The following KMT2C variants were observed in gnomAD, a reference collection of about 807,000 sequenced individuals.
KMT2C encodes lysine methyltransferase 2C.
In KMT2C, 88 loss-of-function variants were observed where a neutral mutation model predicts 507.9. The ratio of observed to expected loss-of-function variants is 0.17; its 90% CI spans 0.15 to 0.21. The LOEUF (loss-of-function observed/expected upper bound fraction) is 0.21. Ranked by LOEUF, KMT2C falls within the 10% of genes least tolerant of loss-of-function variation. KMT2C has a pLI of 1.00. For missense variants in KMT2C, 4,954 were observed against 5,957.8 expected (o/e 0.83, Z 5.55); for synonymous variants, 2,049 against 2,080.8 (o/e 0.98, Z 0.42).
intron 1 of KMT2C, among the ~76,000 whole-genome samples, chr7:152,408,958 A>G (rs796275257): frequency 6.6e-6 from 1 of 152,116 alleles, no homozygotes; most frequent in Admixed American, 6.5e-5. Flanking sequence ...TTCACTTAAC[A>G]TGCATCTAAT....
intron 3 of KMT2C, among the ~76,000 whole-genome samples, chr7:152,325,658 C>A (rs2096821690): frequency 6.6e-6 from 1 of 151,704 alleles, no homozygotes; most frequent in South Asian, 2.1e-4. Flanking sequence ...TCAAGTCAGG[C>A]TGGTCTCGAA....
At chr7:152,297,857 C>A (rs2096530619) in intron 6 of KMT2C, among the ~76,000 whole-genome samples, 1 of 152,064 alleles carries the variant, frequency 6.6e-6, no homozygotes, top group Non-Finnish European at 1.5e-5. Context: ...TCAAAACTGA[C>A]CCAGAACTTA....
intron 50 of KMT2C, 132 bp from the exon 51 acceptor site, chr7:152,151,139 T>C (rs1256026669): frequency 1.5e-6 from 1 of 648,950 alleles, no homozygotes; most frequent in South Asian, 2.1e-5. Flanking sequence ...AAGGAAACTA[T>C]GTTCCAATAT....
chr7:152,281,785 C>T (rs2096216835), intron 6 of KMT2C, among the ~76,000 whole-genome samples: 2 of 152,018 alleles, frequency 1.3e-5, no homozygotes, highest in Admixed American at 1.3e-4. Flanking sequence ...TAACCACCAC[C>T]ATTTCAGGTA....
In KMT2C at chr7:152,308,953, A is replaced by G. The variant is rs559023402; in HGVS notation, c.849+1013T>C. Reference sequence around the variant, plus strand: ...TTGCATTTGTTTCAAAATTACATGAAAATCACAGGAAAAGCTCTGAAAAAT... The same window carrying G: ...TTGCATTTGTTTCAAAATTACATGAGAATCACAGGAAAAGCTCTGAAAAAT... On this transcript the variant is annotated intron_variant, in intron 6 of 58. Coordinates refer to ENST00000262189, the MANE Select transcript of KMT2C (RefSeq NM_170606.3). Among the ~76,000 whole-genome samples the G allele has an allele frequency of 1.1e-4, 16 of 152,314 alleles. No individual in the cohort carries two copies. The East Asian group carries it at 3.1e-3, about 29-fold the overall frequency.
chr7:152,364,159 G>T (rs1390457618), intron 1 of KMT2C, among the ~76,000 whole-genome samples: 1 of 152,148 alleles, frequency 6.6e-6, no homozygotes, highest in Non-Finnish European at 1.5e-5. Context: ...GAACAATAAT[G>T]ATTCCCAACT....
Position 152,182,422 on chromosome 7 carries a change from T to A in KMT2C, c.5438A>T (p.Gln1813Leu), listed in dbSNP as rs753287348. ...AGGAGACATATTTCCATTGCCAGGC[T>A]GAGGTGTCAAGGGACTCTGTATCCC... is the stretch of plus-strand genomic sequence containing the variant. ...SSGIQSPLTP[Q>L]PGNGNMSPAQ... Residue 1813 changes from glutamine to leucine, a missense_variant, in exon 36 of 59, where the codon CAG becomes CTG. Physicochemically the swap from Gln to Leu is moderately radical, Grantham distance 113. This residue lies in a region of KMT2C where 1,689 missense variants were observed against 1,654.3 expected (regional missense o/e 1.02). Coordinates refer to ENST00000262189, the MANE Select transcript of KMT2C (RefSeq NM_170606.3). 3.1e-6 allele frequency: 5 copies of A among 1,613,880 alleles called. No individual in the cohort carries two copies. The South Asian group carries it at 4.4e-5, about 14-fold the overall frequency.
intron 13 of KMT2C, among the ~76,000 whole-genome samples, 199 bp from the exon 14 acceptor site, chr7:152,248,819 A>G (rs2095517640): frequency 6.6e-6 from 1 of 152,240 alleles, no homozygotes; most frequent in African/African-American, 2.4e-5. Context: ...AAACCTAATG[A>G]AAACATTATG....
chr7:152,159,341 T>C (rs1409985209), intron 43 of KMT2C, among the ~76,000 whole-genome samples: 1 of 152,228 alleles, frequency 6.6e-6, no homozygotes, highest in African/African-American at 2.4e-5. Flanking sequence ...TGGCAAAGCA[T>C]TACCCCTCAT....
Position 152,331,642 on chromosome 7 carries a change from ATTTTTT to A in KMT2C, c.251-909_251-904del, listed in dbSNP as rs34778581. ...CAACAACAACAACAACAACAAAAAG[ATTTTTT>A]TTTTTTTTTTTTTTTTTTTGATGGA... On this transcript the variant is annotated intron_variant, in intron 2 of 58. Transcript: ENST00000262189. Among the ~76,000 whole-genome samples, 100 of 99,326 alleles carry A rather than the reference ATTTTTT, an allele frequency of 1.0e-3. 1 individual carries two copies. Among genetic ancestry groups the A allele is most frequent in the African/African-American group, 3.7e-3 (85 of 22,668 alleles). 65.2% of individuals were successfully genotyped at this position (99,326 alleles called of 152,430 possible).
chr7:152,136,670 G>C lies in KMT2C; in HGVS notation c.*162C>G, dbSNP rs2089902413. ...CTTCTGTCAGCTTCCTCCTGGCGCT[G>C]CTTTAACCTAAAGGACTGAGGAAAT... On this transcript the variant is annotated 3_prime_UTR_variant, in exon 59 of 59. Transcript: ENST00000262189. 1 of 609,634 alleles carries C rather than the reference G, an allele frequency of 1.6e-6. No homozygotes were observed. Among genetic ancestry groups the C allele is most frequent in the Non-Finnish European group, 2.9e-6 (1 of 343,030 alleles). The allele number at this position is 609,634 out of a possible 1,614,324, so 37.8% of individuals were successfully genotyped here. A position where few individuals can be genotyped will look rare whatever the true frequency, so the allele number is the denominator to read the frequency against.
At chr7:152,311,423 C>T (rs911105212) in intron 5 of KMT2C, among the ~76,000 whole-genome samples, 1 of 152,130 alleles carries the variant, frequency 6.6e-6, no homozygotes, top group Non-Finnish European at 1.5e-5. Context: ...ATAATCTACC[C>T]GGCTAAGACC....
intron 15 of KMT2C, among the ~76,000 whole-genome samples, chr7:152,237,867 G>A: frequency 6.6e-6 from 1 of 152,212 alleles, no homozygotes. Context: ...TAAAAATCGA[G>A]ACTACAGTAA....
chr7:152,262,131 G>A (rs907070308), intron 9 of KMT2C, among the ~76,000 whole-genome samples: 2 of 152,154 alleles, frequency 1.3e-5, no homozygotes, highest in Non-Finnish European at 2.9e-5. Context: ...ATCTCCCTGC[G>A]TCTGCTCCAC....
intron 4 of KMT2C, among the ~76,000 whole-genome samples, chr7:152,313,666 T>C (rs2096695342): frequency 6.6e-6 from 1 of 152,162 alleles, no homozygotes; most frequent in African/African-American, 2.4e-5. Flanking sequence ...GCAACATACA[T>C]TTTGTAAATA....
At chr7:152,195,650 A>C (rs2129130629) in intron 28 of KMT2C, 1 of 591,920 alleles carries the variant, frequency 1.7e-6, no homozygotes, top group East Asian at 1.4e-4. Context: ...AGAAGAAAAA[A>C]GATACAGCAA....
At chr7:152,390,627 G>C (rs1416175462) in intron 1 of KMT2C, among the ~76,000 whole-genome samples, 3 of 151,884 alleles carry the variant, frequency 2.0e-5, no homozygotes, top group African/African-American at 4.8e-5. Context: ...CCTATTTTTC[G>C]GATAAGGACA....
At chr7:152,287,896 C>A (rs1340102816) in intron 6 of KMT2C, among the ~76,000 whole-genome samples, 8 of 151,166 alleles carry the variant, frequency 5.3e-5, no homozygotes, top group Admixed American at 2.6e-4. Context: ...TGGTGGTGCA[C>A]GCCTGTGATT....
At chr7:152,308,233 T>G (rs1382637536) in intron 6 of KMT2C, among the ~76,000 whole-genome samples, 1 of 152,226 alleles carries the variant, frequency 6.6e-6, no homozygotes, top group African/African-American at 2.4e-5. Flanking sequence ...ATTGAATTTT[T>G]ACTTGAATCT....
Sources: gnomAD v4.1 joint callset for allele counts (sites outside exome capture counted in the v4.1 genomes callset) on GRCh38, gnomAD v4.1.1 for gene constraint, gnomAD v4.1.1 regional missense constraint, MANE v1.5 for transcripts, NCBI Gene and HGNC (gene_info 2026-07-23, HGNC 2026-07-21) for gene names.